EBF1: variants seen among roughly 807,000 people sequenced by gnomAD.
EBF1 encodes the protein transcription factor COE1.
In EBF1, 10 loss-of-function variants were observed where a neutral mutation model predicts 68.4. The observed-to-expected ratio is 0.15, with a 90% confidence interval of 0.09 to 0.25. The LOEUF (loss-of-function observed/expected upper bound fraction) is 0.25, where lower values mean the gene tolerates loss of function less well. EBF1 is among the 10% of genes least tolerant of loss of function. The probability of loss-of-function intolerance (pLI) is 1.00; values close to 1 mark genes in which losing one functional copy is unlikely to be tolerated. For missense variants in EBF1, 509 were observed against 794.4 expected (o/e 0.64, Z 4.32); for synonymous variants, 298 against 299.8 (o/e 0.99, Z 0.06).
At chr5:158,883,257 T>C (rs1245039791) in intron 6 of EBF1, among the ~76,000 whole-genome samples, 1 of 152,030 alleles carries the variant, frequency 6.6e-6, no homozygotes, top group African/African-American at 2.4e-5. Context: ...AACATGAATG[T>C]CCCTTTTTCT....
rs545224167 is a variant in EBF1 at position 158,794,204 on chromosome 5, C to A, written c.909+2141G>T. 3.3e-5 allele frequency among the ~76,000 whole-genome samples: 5 copies of A among 152,282 alleles called. No homozygotes were observed. The South Asian group carries it at 1.0e-3, about 32-fold the overall frequency. On this transcript the variant is annotated intron_variant, in intron 9 of 15. Coordinates refer to ENST00000313708, the MANE Select transcript of EBF1 (RefSeq NM_024007.5). ...CCCTCAGCTCCTGGCTGGACCCACC[C>A]TGACCCCTGGGACAGAGTGAAGAGG...
chr5:158,800,901 A>G (rs1345180896), intron 8 of EBF1, among the ~76,000 whole-genome samples: 1 of 152,202 alleles, frequency 6.6e-6, no homozygotes, highest in Non-Finnish European at 1.5e-5. Context: ...GTGTTTGAAT[A>G]CAAAACCACT....
chr5:158,980,389 C>T (rs1297820065), intron 6 of EBF1, among the ~76,000 whole-genome samples: 3 of 152,220 alleles, frequency 2.0e-5, no homozygotes, highest in Admixed American at 6.5e-5. Flanking sequence ...ACTTTCCTCC[C>T]TGCACAAAAG....
At chr5:158,969,864 G>GA (rs1755067763) in intron 6 of EBF1, among the ~76,000 whole-genome samples, 1 of 62,426 alleles carries the variant, frequency 1.6e-5, no homozygotes, top group South Asian at 6.2e-4. Flanking sequence ...AAGAAAGAAA[G>GA]AAAGAAAGAA....
At chr5:158,875,986 C>G (rs910685407) in intron 6 of EBF1, among the ~76,000 whole-genome samples, 4 of 152,158 alleles carry the variant, frequency 2.6e-5, no homozygotes, top group Non-Finnish European at 5.9e-5. Context: ...ATTACAACAA[C>G]AAGAATGGAA....
chr5:158,868,266 A>C (rs1796286524), intron 6 of EBF1, among the ~76,000 whole-genome samples: 1 of 152,178 alleles, frequency 6.6e-6, no homozygotes, highest in East Asian at 1.9e-4. Flanking sequence ...TTGTGTGTAT[A>C]TGGCTGAGAG....
At chr5:159,013,732 C>T (rs1335686473) in intron 6 of EBF1, among the ~76,000 whole-genome samples, 3 of 152,154 alleles carry the variant, frequency 2.0e-5, no homozygotes, top group African/African-American at 7.2e-5. Flanking sequence ...CCATCCCTAT[C>T]GGCTGTACTA....
At chr5:159,042,746 T>C (rs963623869) in intron 6 of EBF1, among the ~76,000 whole-genome samples, 3 of 152,104 alleles carry the variant, frequency 2.0e-5, no homozygotes, top group Non-Finnish European at 4.4e-5. Context: ...TACTTATTAA[T>C]ATCTTAAATT....
chr5:158,972,734 T>C (rs1457862742), intron 6 of EBF1, among the ~76,000 whole-genome samples: 1 of 152,226 alleles, frequency 6.6e-6, no homozygotes. Flanking sequence ...AGGACCTCCA[T>C]AGCGCCCACG....
At chr5:158,870,646 A>C (rs1397868327) in intron 6 of EBF1, among the ~76,000 whole-genome samples, 2 of 152,190 alleles carry the variant, frequency 1.3e-5, no homozygotes, top group Non-Finnish European at 2.9e-5. Context: ...ACTGTACTCC[A>C]GCCTGGGCAA....
At chr5:159,034,041 T>G (rs1156367383) in intron 6 of EBF1, among the ~76,000 whole-genome samples, 4 of 152,200 alleles carry the variant, frequency 2.6e-5, no homozygotes, top group Non-Finnish European at 5.9e-5. Context: ...GCATCTATAT[T>G]TCATTGGCAT....
intron 6 of EBF1, among the ~76,000 whole-genome samples, chr5:158,974,127 A>T (rs1756225961): frequency 6.6e-6 from 1 of 152,360 alleles, no homozygotes; most frequent in South Asian, 2.1e-4. Context: ...TTCCTAGCAC[A>T]ATGATACAGT....
intron 6 of EBF1, among the ~76,000 whole-genome samples, chr5:158,975,648 T>C (rs930072870): frequency 6.6e-6 from 1 of 152,114 alleles, no homozygotes; most frequent in Non-Finnish European, 1.5e-5. Context: ...TGAAGCAAAA[T>C]GTCACAAGCA....
chr5:159,064,947 G>T (rs1293660372), intron 6 of EBF1, among the ~76,000 whole-genome samples: 1 of 120,492 alleles, frequency 8.3e-6, no homozygotes, highest in Middle Eastern at 7.2e-3. Flanking sequence ...GTATGTGCGT[G>T]TGTGTATGTG....
intron 10 of EBF1, among the ~76,000 whole-genome samples, chr5:158,771,014 A>G (rs1232405596): frequency 1.3e-5 from 2 of 152,156 alleles, no homozygotes; most frequent in Admixed American, 1.3e-4. Flanking sequence ...AAGACAGGCA[A>G]TCCACAAACA....
At chr5:158,992,965 G>A (rs1760680675) in intron 6 of EBF1, among the ~76,000 whole-genome samples, 1 of 104,570 alleles carries the variant, frequency 9.6e-6, no homozygotes. Context: ...GTCTTGCTCT[G>A]TTGCCCAGGC....
chr5:158,955,085 G>A (rs1745694511), intron 6 of EBF1, among the ~76,000 whole-genome samples: 1 of 152,138 alleles, frequency 6.6e-6, no homozygotes, highest in African/African-American at 2.4e-5. Context: ...AGCACTTTGG[G>A]AGGCCGAGGA....
intron 6 of EBF1, among the ~76,000 whole-genome samples, chr5:158,900,785 A>T (rs1803148085): frequency 6.6e-6 from 1 of 152,238 alleles, no homozygotes; most frequent in Non-Finnish European, 1.5e-5. Flanking sequence ...ACCGCATTCC[A>T]AATAAGTCTA....
At chr5:159,043,565 T>C (rs1302102921) in intron 6 of EBF1, among the ~76,000 whole-genome samples, 1 of 152,206 alleles carries the variant, frequency 6.6e-6, no homozygotes, top group African/African-American at 2.4e-5. Flanking sequence ...AGAATTGGTA[T>C]CACTGTCTTA....
Sources: gnomAD v4.1 joint callset for allele counts (sites outside exome capture counted in the v4.1 genomes callset) on GRCh38, gnomAD v4.1.1 for gene constraint, MANE v1.5 for transcripts, NCBI Gene and HGNC (gene_info 2026-07-23, HGNC 2026-07-21) for gene names.